Variants in SPTSSA observed in about 807,000 individuals in gnomAD.
SPTSSA encodes the protein small subunit of serine palmitoyltransferase A.
SPTSSA carries 8 observed loss-of-function variants against 9.1 expected under a neutral mutation model. That is an observed-to-expected ratio of 0.88 (90% CI 0.51 to 1.58). The LOEUF (loss-of-function observed/expected upper bound fraction) is 1.58. Ranked by LOEUF, SPTSSA falls within the 40% of genes most tolerant of loss-of-function variation. SPTSSA has a pLI of 0.00. For synonymous variants in SPTSSA, 42 were observed against 37.7 expected, an observed-to-expected ratio of 1.11 and a Z score of -0.41; for missense variants, 100 against 93.8, an observed-to-expected ratio of 1.07 and a Z score of -0.27.
chr14:34,453,607 T>C (rs1169403938), intron 1 of SPTSSA, among the ~76,000 whole-genome samples: 2 of 152,236 alleles, frequency 1.3e-5, no homozygotes, highest in African/African-American at 2.4e-5. Flanking sequence ...GTATTGTGTT[T>C]GTTAGTGCTT....
chr14:34,455,450 AGG>A (rs1239856386), intron 1 of SPTSSA, among the ~76,000 whole-genome samples: 5 of 152,102 alleles, frequency 3.3e-5, no homozygotes, highest in African/African-American at 1.2e-4. Context: ...AGAGATGCAT[AGG>A]AAACTGCTGA....
chr14:34,451,717 CAAAAAA>C (rs35096900), intron 1 of SPTSSA, among the ~76,000 whole-genome samples: 2,764 of 77,202 alleles, frequency 0.036, 39 homozygotes, highest in Middle Eastern at 0.06. Context: ...GACTCTGTTT[CAAAAAA>C]AAAAAAAAAA....
At chr14:34,459,474 A>G (rs926332365) in intron 1 of SPTSSA, among the ~76,000 whole-genome samples, 8 of 143,204 alleles carry the variant, frequency 5.6e-5, no homozygotes, top group African/African-American at 2.1e-4. Flanking sequence ...AAAAAAAAGA[A>G]AAAGAAAAAG....
chr14:34,454,006 C>A (rs1414070139), intron 1 of SPTSSA, among the ~76,000 whole-genome samples: 1 of 151,890 alleles, frequency 6.6e-6, no homozygotes, highest in Admixed American at 6.6e-5. Flanking sequence ...CTAGTGAGAC[C>A]CTGTCTCTAC....
intron 1 of SPTSSA, among the ~76,000 whole-genome samples, chr14:34,436,582 A>G (rs1883243799): frequency 6.6e-6 from 1 of 152,242 alleles, no homozygotes; most frequent in Admixed American, 6.5e-5. Context: ...GATAGGGTTT[A>G]AATAAACAAT....
chr14:34,443,770 A>C (rs1435434483), intron 1 of SPTSSA, among the ~76,000 whole-genome samples: 1 of 152,106 alleles, frequency 6.6e-6, no homozygotes. Flanking sequence ...TCCTGACCTC[A>C]GGGGATCCAC....
chr14:34,440,665 T>C (rs1883301853), intron 1 of SPTSSA, among the ~76,000 whole-genome samples: 1 of 152,094 alleles, frequency 6.6e-6, no homozygotes, highest in Non-Finnish European at 1.5e-5. Context: ...GTGGATCACC[T>C]GAGGTCGGGA....
chr14:34,440,505 A>G (rs1883299234), intron 1 of SPTSSA, among the ~76,000 whole-genome samples: 1 of 152,206 alleles, frequency 6.6e-6, no homozygotes, highest in Non-Finnish European at 1.5e-5. Flanking sequence ...TTATGATGCT[A>G]ATTCTTCAAT....
intron 1 of SPTSSA, 74 bp downstream of exon 1, chr14:34,462,022 G>A: frequency 1.0e-6 from 1 of 978,092 alleles, no homozygotes; most frequent in Non-Finnish European, 1.3e-6. Flanking sequence ...CCCCAGGCCC[G>A]GGGCCTGGGG....
At position 34,443,355 on chromosome 14, in the gene SPTSSA, A is replaced by AGT. The variant is rs759850438; in HGVS notation, c.113-8053_113-8052dup. Among the ~76,000 whole-genome samples the AGT allele has an allele frequency of 5.9e-3, 37 of 6,268 alleles. 9 individuals carry two copies. Among genetic ancestry groups the AGT allele is most frequent in the South Asian group, 7.1e-3 (1 of 140 alleles). 4.1% of individuals were successfully genotyped at this position (6,268 alleles called of 152,430 possible). A position where few individuals can be genotyped will look rare whatever the true frequency, so the allele number is the denominator to read the frequency against. ...TCTCCTGCTTCTAGGGGAGGGTGTG[A>AGT]GTGTGTGTGTGTGTGTGTGTGTGTG... On this transcript the variant is annotated intron_variant, in intron 1 of 1. Coordinates refer to ENST00000298130, the MANE Select transcript of SPTSSA (RefSeq NM_138288.4).
intron 1 of SPTSSA, among the ~76,000 whole-genome samples, chr14:34,441,107 C>T (rs1376746036): frequency 6.6e-6 from 1 of 151,952 alleles, no homozygotes; most frequent in East Asian, 1.9e-4. Flanking sequence ...AGAGTGAGAC[C>T]CTGTCTCCCA....
chr14:34,442,934 G>C (rs548178847), intron 1 of SPTSSA, among the ~76,000 whole-genome samples: 1 of 151,538 alleles, frequency 6.6e-6, no homozygotes, highest in Non-Finnish European at 1.5e-5. Flanking sequence ...TCCTTTGTGT[G>C]TGTGTATACA....
intron 1 of SPTSSA, 125 bp downstream of exon 1, chr14:34,461,971 T>TTCCGCGCACAGGACCGGCGGGGCC: frequency 4.7e-6 from 2 of 424,918 alleles, no homozygotes; most frequent in Non-Finnish European, 5.9e-6. Flanking sequence ...CACCCCCGGC[T>TTCCGCGCACAGGACCGGCGGGGCC]TCCGCGCACA....
intron 1 of SPTSSA, among the ~76,000 whole-genome samples, chr14:34,445,607 T>C (rs1056128796): frequency 1.3e-5 from 2 of 152,224 alleles, no homozygotes; most frequent in South Asian, 2.1e-4. Flanking sequence ...AGTTTCAAAA[T>C]TGTCTTTCCT....
chr14:34,461,885 ATC>A lies in SPTSSA; in HGVS notation c.112+209_112+210del, dbSNP rs1878624384. Among the ~76,000 whole-genome samples, 6 of 151,976 alleles carry A rather than the reference ATC, an allele frequency of 3.9e-5. 1 individual carries two copies. In the South Asian group the frequency reaches 1.3e-3, roughly 32 times the overall value. ...TCCAGCGACTCACAGGTGACCCCGGATCTCAAGAGTTCTCGTCTCCCCCACCC... is the reference window on the plus strand; with the variant it reads ...TCCAGCGACTCACAGGTGACCCCGGATCAAGAGTTCTCGTCTCCCCCACCC... On this transcript the variant is annotated intron_variant, in intron 1 of 1. Transcript: ENST00000298130.
At chr14:34,449,242 A>G (rs1040866452) in intron 1 of SPTSSA, among the ~76,000 whole-genome samples, 1 of 151,956 alleles carries the variant, frequency 6.6e-6, no homozygotes, top group Non-Finnish European at 1.5e-5. Context: ...ACAAAAACAA[A>G]CAATTAGCCA....
chr14:34,449,421 A>G (rs1051084513), intron 1 of SPTSSA, among the ~76,000 whole-genome samples: 4 of 151,938 alleles, frequency 2.6e-5, no homozygotes, highest in African/African-American at 9.7e-5. Flanking sequence ...TTTAATTTCT[A>G]GATCACCTGA....
At chr14:34,440,883 C>CAA (rs369501743) in intron 1 of SPTSSA, among the ~76,000 whole-genome samples, 1 of 133,272 alleles carries the variant, frequency 7.5e-6, no homozygotes, top group South Asian at 2.3e-4. Flanking sequence ...ATCCATCTCA[C>CAA]AAAAAAAAAA....
rs1169277782 is a variant in SPTSSA at position 34,435,315 on chromosome 14, G to C, written c.113-11C>G. On this transcript the variant is annotated splice_polypyrimidine_tract_variant and intron_variant, in intron 1 of 1. Transcript: ENST00000298130. ...AAACCAGCATGGAATCTGAGTTGTAGTTAAGGAAACTTATTATTATTAATT... is the reference window on the plus strand; with the variant it reads ...AAACCAGCATGGAATCTGAGTTGTACTTAAGGAAACTTATTATTATTAATT... The C allele has an allele frequency of 1.3e-6, 2 of 1,588,314 alleles. No homozygotes were observed. Among genetic ancestry groups the C allele is most frequent in the Admixed American group, 3.4e-5 (2 of 58,902 alleles).
Sources: gnomAD v4.1 joint callset for allele counts (sites outside exome capture counted in the v4.1 genomes callset) on GRCh38, gnomAD v4.1.1 for gene constraint, MANE v1.5 for transcripts, NCBI Gene and HGNC (gene_info 2026-07-23, HGNC 2026-07-21) for gene names.